Variants in SYNPO observed in about 807,000 individuals in gnomAD.
SYNPO encodes the protein synaptopodin.
A neutral mutation model predicts 49.5 loss-of-function variants in SYNPO; 19 were observed. The observed-to-expected ratio is 0.38, with a 90% CI of 0.27 to 0.56. The LOEUF (loss-of-function observed/expected upper bound fraction) is 0.56, where lower values mean the gene tolerates loss of function less well. Among genes scored for constraint, SYNPO ranks in the 20% least tolerant of loss-of-function variants. The pLI is 0.68. For synonymous variants in SYNPO, 536 were observed against 548.0 expected (o/e 0.98, Z 0.31); for missense variants, 1,131 against 1,248.3 (o/e 0.91, Z 1.42).
chr5:150,595,043 G>A, the SYNPO span, among the ~76,000 whole-genome samples: 1 of 152,126 alleles, frequency 6.6e-6, no homozygotes, highest in Non-Finnish European at 1.5e-5. Context: ...GAAATATTTT[G>A]AGGAAAAAAA....
chr5:150,635,491 CAG>C (rs1757686408), intron 2 of SYNPO, among the ~76,000 whole-genome samples: 1 of 152,212 alleles, frequency 6.6e-6, no homozygotes, highest in African/African-American at 2.4e-5. Context: ...TTTTTTTAGA[CAG>C]AGTCTTGCTC....
chr5:150,639,819 C>T (rs185131298), upstream of SYNPO, among the ~76,000 whole-genome samples: 105 of 152,260 alleles, frequency 6.9e-4, no homozygotes, highest in Non-Finnish European at 1.2e-3. Context: ...GGAGGAATAC[C>T]GAAGTGAAGC....
chr5:150,602,823 G>A (rs1012236009), intron 1 of SYNPO, among the ~76,000 whole-genome samples: 4 of 152,068 alleles, frequency 2.6e-5, no homozygotes. Context: ...TTACAGACAT[G>A]AGCCACCACG....
intron 1 of SYNPO, among the ~76,000 whole-genome samples, chr5:150,605,360 C>T (rs78177572): frequency 0.018 from 2,683 of 152,244 alleles, 79 homozygotes; most frequent in African/African-American, 0.061. Context: ...TTCCTTGTCA[C>T]TGATAGCAGG....
At chr5:150,632,027 A>T (rs962542939) in intron 2 of SYNPO, among the ~76,000 whole-genome samples, 1 of 152,148 alleles carries the variant, frequency 6.6e-6, no homozygotes, top group Non-Finnish European at 1.5e-5. Flanking sequence ...CATTCCAGGC[A>T]CCAACCCCCA....
upstream of SYNPO, among the ~76,000 whole-genome samples, chr5:150,637,289 T>C (rs566523249): frequency 2.0e-5 from 3 of 152,278 alleles, no homozygotes; most frequent in African/African-American, 7.2e-5. Context: ...CCAAATAACC[T>C]TGACAAATCA....
At chr5:150,598,425 A>G (rs888585050), upstream of SYNPO, among the ~76,000 whole-genome samples, 19 of 152,014 alleles carry the variant, frequency 1.2e-4, no homozygotes, top group African/African-American at 4.6e-4. Context: ...ACACTTAAAT[A>G]CCCGCACTGC....
At chr5:150,602,043 G>C (rs531240444) in intron 1 of SYNPO, among the ~76,000 whole-genome samples, 1 of 152,216 alleles carries the variant, frequency 6.6e-6, no homozygotes, top group East Asian at 1.9e-4. Flanking sequence ...TGGCCATCGG[G>C]GAGACAGTGG....
chr5:150,610,578 G>T (rs546411505), intron 1 of SYNPO, among the ~76,000 whole-genome samples: 3 of 152,306 alleles, frequency 2.0e-5, no homozygotes, highest in African/African-American at 7.2e-5. Context: ...TATTCAATAC[G>T]TGGTAGCTCT....
chr5:150,618,436 C>A (rs1428212328), exon 2 of SYNPO: 1 of 1,551,664 alleles, frequency 6.4e-7, no homozygotes, highest in East Asian at 2.4e-5. Context: ...CCTGCGCCTT[C>A]CAGATCCCTG....
At chr5:150,647,608 G>A (rs1758151199) in intron 1 of SYNPO, among the ~76,000 whole-genome samples, 1 of 152,198 alleles carries the variant, frequency 6.6e-6, no homozygotes, top group Non-Finnish European at 1.5e-5. Flanking sequence ...GAGGAACTGG[G>A]GACACGGTGG....
upstream of SYNPO, among the ~76,000 whole-genome samples, chr5:150,599,762 A>G (rs1422909050): frequency 6.6e-6 from 1 of 152,168 alleles, no homozygotes; most frequent in Non-Finnish European, 1.5e-5. Flanking sequence ...CACAGGCTTG[A>G]TTGTAGCAGG....
Position 150,656,824 on chromosome 5 carries a change from G to C in SYNPO, c.2449G>C (p.Gly817Arg), listed in dbSNP as rs1758584526. 3 of 1,536,724 alleles carry C rather than the reference G, an allele frequency of 2.0e-6. No individual in the cohort carries two copies. The highest frequency in any genetic ancestry group is 2.4e-5 in the South Asian group (2 of 83,948). ...CCGCCCCGGCTCGGCTGCTGTGCCG[G>C]GGGCAGCCTTCGCGCCCATCCCGCG... Reference protein sequence around the residue: ...PARPGSAAVPGAAFAPIPRSP... With the variant: ...PARPGSAAVPRAAFAPIPRSP... The change falls in exon 3 of 3, where the codon GGG (glycine) becomes CGG (arginine). Residue 817 changes from glycine (G) to arginine (R), a missense_variant. This residue lies in a region of SYNPO where 509 missense variants were observed against 484.5 expected (regional missense o/e 1.05). Transcript: ENST00000307662.
At chr5:150,605,409 G>T (rs1035603489) in intron 1 of SYNPO, among the ~76,000 whole-genome samples, 3 of 152,042 alleles carry the variant, frequency 2.0e-5, no homozygotes. Flanking sequence ...TATTTAAAGA[G>T]ATGAGGAAAC....
chr5:150,590,332 G>A, the SYNPO span, among the ~76,000 whole-genome samples: 2 of 152,194 alleles, frequency 1.3e-5, no homozygotes, highest in African/African-American at 4.8e-5. Flanking sequence ...GAGAGGGACC[G>A]CCACAGCCAG....
At chr5:150,624,115 T>C (rs1757267584) in intron 2 of SYNPO, among the ~76,000 whole-genome samples, 2 of 152,362 alleles carry the variant, frequency 1.3e-5, no homozygotes, top group South Asian at 4.1e-4. Context: ...GCCCCAGAGC[T>C]GCCATACAGC....
chr5:150,648,617 C>G lies in SYNPO; in HGVS notation c.342C>G (p.Ile114Met). 6.2e-7 allele frequency: 1 copy of G among 1,614,234 alleles called. No homozygotes were observed. The highest frequency in any genetic ancestry group is 8.5e-7 in the Non-Finnish European group (1 of 1,180,050). The change falls in exon 2 of 3, where the codon ATC becomes ATG. Residue 114 changes from isoleucine (I) to methionine (M), a missense_variant. By Grantham distance (10) the Ile-to-Met change is conservative. Around this residue, in one of 4 missense-constraint regions of SYNPO, gnomAD observed 602 missense variants for 720.7 expected, o/e 0.84. Transcript: ENST00000307662. This position sits in a 1 kb window ranked among gnomAD's most constrained non-coding sequence, Gnocchi z 5.0. ...CACAGAGCCTGCCACTTTCTAGCAT[C>G]CAACAGAATTCCTCAGAGGCCCAAC... is the stretch of plus-strand genomic sequence containing the variant. ...VVPQSLPLSS[I>M]QQNSSEAQLP...
intron 1 of SYNPO, among the ~76,000 whole-genome samples, chr5:150,613,744 G>A (rs996139538): frequency 7.2e-5 from 11 of 152,090 alleles, no homozygotes; most frequent in Admixed American, 2.0e-4. Context: ...TCCCTTCTCC[G>A]CCCTATAGCC....
At position 150,651,725 on chromosome 5, in the gene SYNPO, A is replaced by C. The variant is rs554242527; in HGVS notation, c.2028+1422A>C. On this transcript the variant is annotated intron_variant, in intron 2 of 2. Transcript: ENST00000307662. ...CTTAGAATTTTGAGGAAAATCTGGG[A>C]CTTGAGACCTGGATTCTAACAGACC... 3 of 1,000,538 alleles carry C rather than the reference A, an allele frequency of 3.0e-6. No individual in the cohort carries two copies. In the East Asian group the frequency reaches 3.4e-4, roughly 113 times the overall value. 62.0% of individuals were successfully genotyped at this position (1,000,538 alleles called of 1,614,324 possible). A position where few individuals can be genotyped will look rare whatever the true frequency, so the allele number is the denominator to read the frequency against.
Sources: gnomAD v4.1 joint callset for allele counts (sites outside exome capture counted in the v4.1 genomes callset) on GRCh38, gnomAD v4.1.1 for gene constraint, gnomAD v4.1.1 regional missense constraint, Gnocchi (gnomAD v3.1) non-coding constraint, MANE v1.5 for transcripts, NCBI Gene and HGNC (gene_info 2026-07-23, HGNC 2026-07-21) for gene names.